ZFYVE27: variants seen among roughly 807,000 people sequenced by gnomAD.
ZFYVE27 encodes the protein protrudin.
In ZFYVE27, 36 loss-of-function variants were observed where a neutral mutation model predicts 52.8. That is an observed-to-expected ratio of 0.68 (90% CI 0.52 to 0.90). The LOEUF (loss-of-function observed/expected upper bound fraction) is 0.90. Among genes scored for constraint, ZFYVE27 ranks in the 40% least tolerant of loss-of-function variants. ZFYVE27 has a pLI of 0.00. For synonymous variants in ZFYVE27, 223 were observed against 215.6 expected (o/e 1.03, Z -0.30); for missense variants, 450 against 527.2 (o/e 0.85, Z 1.43).
intron 2 of ZFYVE27, among the ~76,000 whole-genome samples, chr10:97,739,227 G>A (rs1276682934): frequency 3.4e-5 from 5 of 149,178 alleles, no homozygotes; most frequent in African/African-American, 9.9e-5. Flanking sequence ...CACCATGCCT[G>A]GCTAATTAAA....
Position 97,737,203 on chromosome 10 carries a change from A to T in ZFYVE27, c.-120A>T, listed in dbSNP as rs2042308106. On this transcript the variant is annotated 5_prime_UTR_variant, in exon 1 of 13. Transcript: ENST00000684270. ...TTTTCGGACCTGCGACTTCCGAACA[A>T]CCCTGGCAGGAGGAGCGGCGTTCAG... 1 of 152,310 alleles carries T rather than the reference A, an allele frequency of 6.6e-6. No individual in the cohort carries two copies. The highest frequency in any genetic ancestry group is 6.5e-5 in the Admixed American group (1 of 15,288). 9.4% of individuals were successfully genotyped at this position (152,310 alleles called of 1,614,324 possible).
chr10:97,755,214 T>C (rs1403129315), intron 10 of ZFYVE27, among the ~76,000 whole-genome samples: 1 of 152,258 alleles, frequency 6.6e-6, no homozygotes, highest in Non-Finnish European at 1.5e-5. Flanking sequence ...ACTTTCCCTT[T>C]TCTGAGATGT....
At chr10:97,755,137 G>A (rs1423257506) in intron 10 of ZFYVE27, among the ~76,000 whole-genome samples, 1 of 152,218 alleles carries the variant, frequency 6.6e-6, no homozygotes, top group Admixed American at 6.5e-5. Context: ...CCTCAAGGAT[G>A]GCAAGGGCAG....
rs2049188630 is a variant in ZFYVE27, at chr10:97,759,384, G to GT, written c.*85dup. ...CTCTCCCCACCCCTGGCCCACTGTG[G>GT]TGTGTGCTGGGCAAATGTGGCCTGA... is the stretch of plus-strand genomic sequence containing the variant. On this transcript the variant is annotated 3_prime_UTR_variant, in exon 13 of 13. Coordinates refer to ENST00000684270, the MANE Select transcript of ZFYVE27 (RefSeq NM_001385875.1). 6.8e-7 allele frequency: 1 copy of GT among 1,462,422 alleles called. No homozygotes were observed. Among genetic ancestry groups the GT allele is most frequent in the African/African-American group, 1.4e-5 (1 of 72,094 alleles). The allele number at this position is 1,462,422 out of a possible 1,614,324, so 90.6% of individuals were successfully genotyped here. A position where few individuals can be genotyped will look rare whatever the true frequency, so the allele number is the denominator to read the frequency against.
intron 7 of ZFYVE27, 123 bp from the exon 8 acceptor site, chr10:97,751,268 C>T: frequency 8.2e-6 from 9 of 1,103,094 alleles, no homozygotes; most frequent in Non-Finnish European, 1.2e-5. Context: ...TTCCTTCTTT[C>T]TTGCCATTGT....
At chr10:97,746,956 GCTGGGA>G (rs1418024324) in intron 4 of ZFYVE27, among the ~76,000 whole-genome samples, 1 of 152,180 alleles carries the variant, frequency 6.6e-6, no homozygotes, top group Non-Finnish European at 1.5e-5. Flanking sequence ...CTCCCAAAGT[GCTGGGA>G]CTACAGGTGT....
chr10:97,746,688 T>C (rs1277472354), intron 4 of ZFYVE27, among the ~76,000 whole-genome samples: 1 of 140,430 alleles, frequency 7.1e-6, no homozygotes, highest in African/African-American at 2.7e-5. Context: ...TCCTTTTTTC[T>C]TTTTTTTTTT....
chr10:97,745,618 A>C (rs772367623), intron 4 of ZFYVE27, among the ~76,000 whole-genome samples: 2 of 152,166 alleles, frequency 1.3e-5, no homozygotes, highest in Non-Finnish European at 2.9e-5. Flanking sequence ...TGTGTGTCTC[A>C]AGTTTCTCAT....
chr10:97,758,490 A>G (rs1318476548), intron 12 of ZFYVE27, among the ~76,000 whole-genome samples: 3 of 151,814 alleles, frequency 2.0e-5, no homozygotes, highest in African/African-American at 4.8e-5. Flanking sequence ...CACCCGGCTA[A>G]TTTTGTATTT....
Position 97,744,856 on chromosome 10 carries a change from GGAGGACCTGCA to G in ZFYVE27, c.400_410del (p.Asp134ArgfsTer11), listed in dbSNP as rs757617319. 6.2e-7 allele frequency: 1 copy of G among 1,612,472 alleles called. No individual in the cohort carries two copies. The highest frequency in any genetic ancestry group is 8.5e-7 in the Non-Finnish European group (1 of 1,179,360). ...GGAGGAAGTATCATAGCGTGAGGCA[GGAGGACCTGCA>G]GAGAGGTCGCCTGTCTCGTCCCGAG... On this transcript the variant is annotated frameshift_variant, in exon 4 of 13. Coordinates refer to ENST00000684270, the MANE Select transcript of ZFYVE27 (RefSeq NM_001385875.1). LOFTEE classifies it high-confidence loss of function.
At chr10:97,757,443 G>A (rs1690093573) in intron 11 of ZFYVE27, 132 bp downstream of exon 11, 1 of 1,383,782 alleles carries the variant, frequency 7.2e-7, no homozygotes, top group Non-Finnish European at 1.0e-6. Flanking sequence ...TCTGGAGTGA[G>A]TGTGCCCTCC....
At chr10:97,747,116 G>A (rs758651876) in intron 4 of ZFYVE27, among the ~76,000 whole-genome samples, 3 of 152,104 alleles carry the variant, frequency 2.0e-5, no homozygotes, top group African/African-American at 7.2e-5. Context: ...CTTGTTTCTT[G>A]TGACCTTGAC....
rs375088979 is a variant in ZFYVE27, at chr10:97,743,145, G to A, written c.249G>A (p.Leu83=). Residue 83 remains leucine, a synonymous_variant, in exon 3 of 13, where the codon TTG becomes TTA. Transcript: ENST00000684270. Reference sequence around the variant, plus strand: ...TGACCTGCCTGGGCCTCAACGTCTTGTTCCTCACTTTGAATGAGGGTAAGA... The same window carrying A: ...TGACCTGCCTGGGCCTCAACGTCTTATTCCTCACTTTGAATGAGGGTAAGA... ...SLLTCLGLNV[L]FLTLNEGAWY... 2.5e-6 allele frequency: 4 copies of A among 1,614,220 alleles called. No homozygotes were observed. The highest frequency in any genetic ancestry group is 3.4e-6 in the Non-Finnish European group (4 of 1,180,038).
chr10:97,759,114 C>T (rs2049130051), intron 12 of ZFYVE27, 122 bp from the exon 13 acceptor site: 3 of 1,016,650 alleles, frequency 3.0e-6, no homozygotes, highest in African/African-American at 3.2e-5. Flanking sequence ...GCAAGCTGGG[C>T]AGGGAGGGTG....
chr10:97,742,436 CTG>C (rs1295802292), intron 2 of ZFYVE27, among the ~76,000 whole-genome samples: 1 of 152,144 alleles, frequency 6.6e-6, no homozygotes, highest in African/African-American at 2.4e-5. Context: ...AGTGATGTAT[CTG>C]TGTTTGCTTC....
At chr10:97,746,178 A>G (rs958576119) in intron 4 of ZFYVE27, among the ~76,000 whole-genome samples, 2 of 151,498 alleles carry the variant, frequency 1.3e-5, no homozygotes, top group Non-Finnish European at 2.9e-5. Context: ...CCTCCAGAGT[A>G]GCTGGGATTA....
rs539644242 is a variant in ZFYVE27, at chr10:97,757,117, T to G, written c.1043-148T>G. The G allele has an allele frequency of 1.1e-5, 11 of 1,028,588 alleles. No individual in the cohort carries two copies. The South Asian group carries it at 1.4e-4, about 13-fold the overall frequency. 63.7% of individuals were successfully genotyped at this position (1,028,588 alleles called of 1,614,324 possible). A position where few individuals can be genotyped will look rare whatever the true frequency, so the allele number is the denominator to read the frequency against. ...CTTAGTTTGAGTCCTTCTTTCTGTC[T>G]CTGAATCTGGCCTTGCTCCCTGGCT... is the stretch of plus-strand genomic sequence containing the variant. On this transcript the variant is annotated intron_variant, in intron 10 of 12. Coordinates refer to ENST00000684270, the MANE Select transcript of ZFYVE27 (RefSeq NM_001385875.1).
intron 4 of ZFYVE27, among the ~76,000 whole-genome samples, chr10:97,746,596 C>T (rs931122943): frequency 3.9e-5 from 6 of 152,188 alleles, no homozygotes; most frequent in Admixed American, 1.3e-4. Context: ...GGAAACTTAA[C>T]GTTGATAACT....
intron 10 of ZFYVE27, among the ~76,000 whole-genome samples, chr10:97,753,907 C>T (rs1297026150): frequency 1.3e-5 from 2 of 152,212 alleles, no homozygotes; most frequent in Non-Finnish European, 1.5e-5. Context: ...CGGGGGAGAG[C>T]GGTCAAGGAA....
Sources: allele counts gnomAD v4.1 joint callset (sites outside exome capture counted in the v4.1 genomes callset), GRCh38; gene constraint gnomAD v4.1.1; transcripts MANE v1.5; gene names NCBI Gene and HGNC (gene_info 2026-07-23, HGNC 2026-07-21).